Variants in GNA14 observed in about 807,000 individuals in gnomAD.
GNA14 encodes the protein G protein subunit alpha 14, also known as guanine nucleotide-binding protein subunit alpha-14.
Under a neutral mutation model 42.0 loss-of-function variants are expected in GNA14, and 50 were observed. That is an observed-to-expected ratio of 1.19 (90% CI 0.95 to 1.51). The LOEUF is 1.51. Among genes scored for constraint, GNA14 ranks in the 40% most tolerant of loss-of-function variants. The pLI is 0.00. For missense variants in GNA14, 473 were observed against 446.2 expected (o/e 1.06, Z -0.54); for synonymous variants, 173 against 163.1 (o/e 1.06, Z -0.46).
intron 2 of GNA14, among the ~76,000 whole-genome samples, chr9:77,522,640 C>T (rs1837376888): frequency 6.6e-6 from 1 of 152,194 alleles, no homozygotes; most frequent in South Asian, 2.1e-4. Context: ...GTTCTCGACC[C>T]TGGCTGCCCA....
intron 1 of GNA14, among the ~76,000 whole-genome samples, chr9:77,563,843 G>A (rs78144194): frequency 0.025 from 3,789 of 152,154 alleles, 168 homozygotes; most frequent in African/African-American, 0.085. Context: ...CCTATGGAGC[G>A]CAATTTGGGG....
chr9:77,594,985 G>A (rs899723490), intron 1 of GNA14, among the ~76,000 whole-genome samples: 4 of 152,184 alleles, frequency 2.6e-5, no homozygotes, highest in African/African-American at 9.7e-5. Context: ...ATTAAATGAA[G>A]CCTTTCCTGT....
chr9:77,489,557 A>T (rs1334487673), intron 2 of GNA14, among the ~76,000 whole-genome samples: 3 of 152,114 alleles, frequency 2.0e-5, no homozygotes, highest in African/African-American at 7.2e-5. Flanking sequence ...GAAGCCGCGG[A>T]CCCTCGTGGT....
intron 2 of GNA14, among the ~76,000 whole-genome samples, chr9:77,477,220 G>T (rs187629530): frequency 6.6e-6 from 1 of 152,270 alleles, no homozygotes; most frequent in Admixed American, 6.5e-5. Flanking sequence ...AGCCGGGTGT[G>T]CTGGCGTGCA....
At chr9:77,524,040 C>A (rs564806138) in intron 2 of GNA14, among the ~76,000 whole-genome samples, 4 of 152,310 alleles carry the variant, frequency 2.6e-5, no homozygotes, top group South Asian at 4.1e-4. Context: ...GACTTAGGAA[C>A]CCTGCCACTG....
intron 2 of GNA14, among the ~76,000 whole-genome samples, chr9:77,478,755 G>C (rs1312323611): frequency 6.6e-6 from 1 of 152,120 alleles, no homozygotes; most frequent in Non-Finnish European, 1.5e-5. Context: ...TTGTGGTTTT[G>C]ATTTGCATTT....
intron 2 of GNA14, among the ~76,000 whole-genome samples, chr9:77,462,547 A>C (rs1477543326): frequency 6.6e-6 from 1 of 151,982 alleles, no homozygotes; most frequent in African/African-American, 2.4e-5. Flanking sequence ...GTGAAACCCT[A>C]TCTCTACTAA....
intron 1 of GNA14, among the ~76,000 whole-genome samples, chr9:77,549,518 G>A (rs898420295): frequency 6.6e-6 from 1 of 152,248 alleles, no homozygotes; most frequent in Admixed American, 6.5e-5. Flanking sequence ...TTATTCAGTT[G>A]TTTTGAAATG....
intron 2 of GNA14, among the ~76,000 whole-genome samples, chr9:77,466,428 CACTTCA>C (rs1564023000): frequency 6.6e-6 from 1 of 152,200 alleles, no homozygotes; most frequent in Admixed American, 6.5e-5. Context: ...CAGGGTTGTA[CACTTCA>C]ACTTCAAAAT....
chr9:77,575,939 T>C (rs1823121296), intron 1 of GNA14, among the ~76,000 whole-genome samples: 1 of 152,208 alleles, frequency 6.6e-6, no homozygotes, highest in Admixed American at 6.5e-5. Context: ...AGAGGTGGCA[T>C]GACCAAAAAG....
At chr9:77,455,594 G>A (rs564559856) in intron 2 of GNA14, among the ~76,000 whole-genome samples, 2 of 152,126 alleles carry the variant, frequency 1.3e-5, no homozygotes, top group East Asian at 3.9e-4. Context: ...TTTTCCCTCG[G>A]CTTATATTTT....
chr9:77,539,592 T>G (rs1310182362), intron 1 of GNA14, among the ~76,000 whole-genome samples: 3 of 152,206 alleles, frequency 2.0e-5, no homozygotes, highest in African/African-American at 7.2e-5. Context: ...GTATTAGTTC[T>G]TCATTATACA....
At chr9:77,593,171 T>C (rs1823415286) in intron 1 of GNA14, among the ~76,000 whole-genome samples, 1 of 152,244 alleles carries the variant, frequency 6.6e-6, no homozygotes, top group Non-Finnish European at 1.5e-5. Flanking sequence ...GTTATAACTC[T>C]ACACTTGGTT....
chr9:77,437,045 C>T (rs1370190047), intron 2 of GNA14, among the ~76,000 whole-genome samples: 1 of 127,516 alleles, frequency 7.8e-6, no homozygotes, highest in Admixed American at 7.5e-5. Flanking sequence ...TGGTGGCCCT[C>T]AGCATCCTTG....
chr9:77,600,894 A>G (rs1052339968), intron 1 of GNA14, among the ~76,000 whole-genome samples: 15 of 152,218 alleles, frequency 9.9e-5, no homozygotes, highest in Admixed American at 7.8e-4. Context: ...ACTCCAGCCC[A>G]GGCAACAACA....
At chr9:77,485,358 C>G (rs1205572878) in intron 2 of GNA14, among the ~76,000 whole-genome samples, 1 of 152,172 alleles carries the variant, frequency 6.6e-6, no homozygotes, top group Non-Finnish European at 1.5e-5. Flanking sequence ...TCTTCAGGCT[C>G]CACTTCTAAT....
At chr9:77,515,758 G>A (rs1165513142) in intron 2 of GNA14, among the ~76,000 whole-genome samples, 2 of 151,802 alleles carry the variant, frequency 1.3e-5, no homozygotes, top group Non-Finnish European at 2.9e-5. Context: ...GTGTCTAGGA[G>A]TTCAAGACCA....
intron 1 of GNA14, among the ~76,000 whole-genome samples, chr9:77,533,353 T>A (rs1426816652): frequency 1.3e-5 from 2 of 152,148 alleles, no homozygotes; most frequent in Non-Finnish European, 2.9e-5. Context: ...CTAATTTTTG[T>A]ATTTTTAGTA....
chr9:77,454,524 G>A (rs758730998), intron 2 of GNA14, among the ~76,000 whole-genome samples: 11 of 152,028 alleles, frequency 7.2e-5, no homozygotes, highest in Non-Finnish European at 1.3e-4. Flanking sequence ...TAGTGGGGAC[G>A]GGGAAAAGGA....
Sources: allele counts gnomAD v4.1 joint callset (sites outside exome capture counted in the v4.1 genomes callset), GRCh38; gene constraint gnomAD v4.1.1; transcripts MANE v1.5; gene names NCBI Gene and HGNC (gene_info 2026-07-23, HGNC 2026-07-21).